The following NBPF14 variants were observed in gnomAD, a reference collection of about 807,000 sequenced individuals.
NBPF14 encodes NBPF member 14.
Under a neutral mutation model 91.2 loss-of-function variants are expected in NBPF14, and 104 were observed. That is an observed-to-expected ratio of 1.14 (90% CI 0.97 to 1.34). The LOEUF (loss-of-function observed/expected upper bound fraction) is 1.34. NBPF14 is among the 40% of genes most tolerant of loss of function. NBPF14 has a pLI of 0.00. For missense variants in NBPF14, 908 were observed against 783.0 expected (o/e 1.16, Z -1.91); for synonymous variants, 294 against 303.8 (o/e 0.97, Z 0.34).
intron 8 of NBPF14, among the ~76,000 whole-genome samples, chr1:148,586,878 G>C (rs1228203655): frequency 7.1e-6 from 1 of 141,410 alleles, no homozygotes; most frequent in Non-Finnish European, 1.6e-5. Flanking sequence ...GAATTGAAAA[G>C]ATGAAAGAAG....
chr1:148,595,268 C>T (rs1663128278), intron 2 of NBPF14, among the ~76,000 whole-genome samples: 1 of 147,962 alleles, frequency 6.8e-6, no homozygotes. Flanking sequence ...GATTGAGCCC[C>T]TTGGAGAAAA....
At chr1:148,557,730 G>C (rs1355535521) in intron 39 of NBPF14, among the ~76,000 whole-genome samples, 188 bp from the exon 40 acceptor site, 1 of 129,036 alleles carries the variant, frequency 7.7e-6, no homozygotes, top group Admixed American at 7.7e-5. Context: ...AGAACCAAGG[G>C]TGAAATATCC....
chr1:148,533,058 T>G, exon 71 of NBPF14: 1 of 1,096,628 alleles, frequency 9.1e-7, no homozygotes. Flanking sequence ...CTTGTCACCG[T>G]CAAAGTAAAA....
At chr1:148,591,722 C>T (rs1473658064) in intron 4 of NBPF14, among the ~76,000 whole-genome samples, 13 of 145,966 alleles carry the variant, frequency 8.9e-5, no homozygotes, top group African/African-American at 1.2e-4. Context: ...TGGCCAAATA[C>T]TGAAAAGACC....
chr1:148,533,755 T>A (rs1654252328), intron 70 of NBPF14, 106 bp downstream of exon 70: 2 of 760,622 alleles, frequency 2.6e-6, no homozygotes, highest in Non-Finnish European at 2.4e-6. Context: ...GTAGGAGTAA[T>A]TCAGCCTTTG....
chr1:148,579,778 T>C (rs1182275489), intron 12 of NBPF14, among the ~76,000 whole-genome samples: 12 of 152,044 alleles, frequency 7.9e-5, no homozygotes, highest in East Asian at 3.9e-4. Flanking sequence ...TGGGAGAGAA[T>C]AGGCAACACC....
chr1:148,557,101 G>C (rs1333201979), intron 40 of NBPF14, among the ~76,000 whole-genome samples: 119 of 126,268 alleles, frequency 9.4e-4, no homozygotes, highest in Non-Finnish European at 1.9e-4. Context: ...GAGAGAGAGA[G>C]AACGAGCTCA....
At chr1:148,533,790 T>C (rs1161897592) in intron 70 of NBPF14, 71 bp downstream of exon 70, 3 of 764,740 alleles carry the variant, frequency 3.9e-6, no homozygotes, top group Non-Finnish European at 7.2e-6. Flanking sequence ...TCAAACACAC[T>C]CTGGTTTCCC....
intron 6 of NBPF14, among the ~76,000 whole-genome samples, chr1:148,589,908 T>G (rs1662171270): frequency 6.8e-6 from 1 of 148,042 alleles, no homozygotes; most frequent in South Asian, 2.2e-4. Flanking sequence ...ATTTTTGTAT[T>G]CTTAGTAGAG....
rs1193125594 is a variant in NBPF14 at position 148,566,678 on chromosome 1, A to C, written c.3542+274T>G. On this transcript the variant is annotated intron_variant, in intron 28 of 70. Transcript: ENST00000619423. ...GATCATGAAAAGACTGTGCTCAATA[A>C]TTTTCCATAAAATGTGCTCAAGTTT... 6.3e-5 allele frequency among the ~76,000 whole-genome samples: 8 copies of C among 127,704 alleles called. No individual in the cohort carries two copies. The South Asian group carries it at 1.1e-3, about 17-fold the overall frequency. 83.8% of individuals were successfully genotyped at this position (127,704 alleles called of 152,430 possible).
rs1353235097 is a variant in NBPF14, at chr1:148,576,188, A to G, written c.2078+222T>C. ...GCTCAAGATTCCATGCAGTTGCCATACAGCCTTTGAGGTATGGTCAACCTA... is the reference window on the plus strand; with the variant it reads ...GCTCAAGATTCCATGCAGTTGCCATGCAGCCTTTGAGGTATGGTCAACCTA... On this transcript the variant is annotated intron_variant, in intron 16 of 70. Transcript: ENST00000619423. Among the ~76,000 whole-genome samples the G allele has an allele frequency of 2.4e-4, 26 of 108,210 alleles. 3 individuals are homozygous for G. Among genetic ancestry groups the G allele is most frequent in the Non-Finnish European group, 4.0e-4 (23 of 57,886 alleles). The allele number at this position is 108,210 out of a possible 152,430, so 71.0% of individuals were successfully genotyped here.
intron 37 of NBPF14, among the ~76,000 whole-genome samples, chr1:148,559,424 C>G (rs1183999601): frequency 2.2e-5 from 3 of 133,974 alleles, no homozygotes; most frequent in East Asian, 2.3e-4. Flanking sequence ...ATCAAATACT[C>G]AGATTGTTCA....
At chr1:148,559,143 T>A (rs1657103266) in intron 37 of NBPF14, 71 bp from the exon 38 acceptor site, 1 of 661,838 alleles carries the variant, frequency 1.5e-6, no homozygotes, top group African/African-American at 3.1e-5. Flanking sequence ...ATCCACTGTC[T>A]AATCCTCACA....
At chr1:148,534,288 C>T (rs587594118) in intron 69 of NBPF14, among the ~76,000 whole-genome samples, 1 of 151,774 alleles carries the variant, frequency 6.6e-6, no homozygotes, top group Admixed American at 6.6e-5. Context: ...AGGAGAAAAA[C>T]TGCAATATTT....
exon 71 of NBPF14, chr1:148,533,026 C>A (rs781858978): frequency 3.9e-6 from 4 of 1,019,656 alleles, no homozygotes; most frequent in East Asian, 2.6e-5. Context: ...ATATGACTCC[C>A]ATCTGGAACA....
chr1:148,577,527 A>T (rs1660061494), intron 14 of NBPF14, among the ~76,000 whole-genome samples, 172 bp from the exon 15 acceptor site: 1 of 147,296 alleles, frequency 6.8e-6, no homozygotes, highest in Admixed American at 6.7e-5. Flanking sequence ...CCAGGTAGAA[A>T]AGGATGAACG....
Position 148,572,372 on chromosome 1 carries a change from T to G in NBPF14, c.2758+71A>C, listed in dbSNP as rs1329078099. The G allele has an allele frequency of 1.4e-4, 50 of 359,858 alleles. 6 individuals carry two copies. Among genetic ancestry groups the G allele is most frequent in the Middle Eastern group, 6.2e-4 (1 of 1,614 alleles). The allele number at this position is 359,858 out of a possible 1,614,324, so 22.3% of individuals were successfully genotyped here. A position where few individuals can be genotyped will look rare whatever the true frequency, so the allele number is the denominator to read the frequency against. ...CGTCTCTCGGGTCAGTAAGGGGCAC[T>G]TGGAACAGGAATATCACCCCTATCT... On this transcript the variant is annotated intron_variant, in intron 21 of 70. Coordinates refer to ENST00000619423, the Ensembl canonical transcript of NBPF14.
chr1:148,534,612 C>A (rs1446161404), intron 69 of NBPF14, 72 bp downstream of exon 69: 19 of 908,756 alleles, frequency 2.1e-5, no homozygotes, highest in East Asian at 7.2e-5. Flanking sequence ...GTAAGGGCCA[C>A]TTGGAATAGG....
rs1168393054 is a variant in NBPF14 at position 148,559,128 on chromosome 1, T to A, written c.4730-56A>T. 5 of 706,456 alleles carry A rather than the reference T, an allele frequency of 7.1e-6. No individual in the cohort carries two copies. The African/African-American group carries it at 9.1e-5, about 13-fold the overall frequency. 43.8% of individuals were successfully genotyped at this position (706,456 alleles called of 1,614,324 possible). A position where few individuals can be genotyped will look rare whatever the true frequency, so the allele number is the denominator to read the frequency against. Reference sequence around the variant, plus strand: ...TTAAGCTGGTTCTCCTAAACACACATAACAATCCACTGTCTAATCCTCACA... The same window carrying A: ...TTAAGCTGGTTCTCCTAAACACACAAAACAATCCACTGTCTAATCCTCACA... On this transcript the variant is annotated intron_variant, in intron 37 of 70. Transcript: ENST00000619423.
Sources: gnomAD v4.1 joint callset for allele counts (sites outside exome capture counted in the v4.1 genomes callset) on GRCh38, gnomAD v4.1.1 for gene constraint, MANE v1.5 for transcripts, NCBI Gene and HGNC (gene_info 2026-07-23, HGNC 2026-07-21) for gene names.